LPP: variants seen among roughly 807,000 people sequenced by gnomAD.
LPP encodes LIM domain containing preferred translocation partner in lipoma, also known as lipoma-preferred partner.
Under a neutral mutation model 60.4 loss-of-function variants are expected in LPP, and 38 were observed. That is an observed-to-expected ratio of 0.63 (90% CI 0.49 to 0.83). The LOEUF is 0.83. Among genes scored for constraint, LPP ranks in the 40% least tolerant of loss-of-function variants. The pLI is 0.00. For missense variants in LPP, 902 were observed against 783.6 expected (o/e 1.15, Z -1.80); for synonymous variants, 328 against 290.8 (o/e 1.13, Z -1.30).
At chr3:188,157,799 A>AGG in intron 1 of LPP, among the ~76,000 whole-genome samples, 1 of 151,158 alleles carries the variant, frequency 6.6e-6, no homozygotes, top group South Asian at 2.1e-4. Flanking sequence ...CACTATAGAG[A>AGG]GGGGGGTGTC....
intron 8 of LPP, among the ~76,000 whole-genome samples, chr3:188,732,632 C>G (rs1259503524): frequency 2.1e-5 from 3 of 145,492 alleles, no homozygotes; most frequent in African/African-American, 7.6e-5. Context: ...ACAGGAGAAT[C>G]GCTTGAACCC....
At chr3:188,778,612 G>T (rs926999328) in intron 9 of LPP, among the ~76,000 whole-genome samples, 5 of 152,062 alleles carry the variant, frequency 3.3e-5, no homozygotes, top group African/African-American at 1.2e-4. Context: ...GCTAGTGTAC[G>T]TAGTAAATAG....
intron 8 of LPP, among the ~76,000 whole-genome samples, chr3:188,727,021 A>T (rs2149977097): frequency 6.6e-6 from 1 of 152,278 alleles, no homozygotes; most frequent in Admixed American, 6.5e-5. Context: ...CCGAGCAAGG[A>T]AGTCAGTTAT....
intron 6 of LPP, among the ~76,000 whole-genome samples, chr3:188,547,438 C>T (rs1003880972): frequency 2.0e-5 from 3 of 152,218 alleles, no homozygotes; most frequent in Non-Finnish European, 4.4e-5. Flanking sequence ...ATCACACCAA[C>T]CGTAAGTTAC....
intron 4 of LPP, among the ~76,000 whole-genome samples, chr3:188,433,998 C>T (rs372842952): frequency 1.3e-5 from 2 of 152,058 alleles, no homozygotes; most frequent in Admixed American, 6.6e-5. Flanking sequence ...ATAACTTCAT[C>T]GTGTCCCATG....
chr3:188,857,756 T>C (rs1156760213), intron 9 of LPP, among the ~76,000 whole-genome samples: 2 of 152,304 alleles, frequency 1.3e-5, no homozygotes, highest in Admixed American at 1.3e-4. Flanking sequence ...CAGAGTATCA[T>C]ATACACAATT....
intron 3 of LPP, among the ~76,000 whole-genome samples, chr3:188,392,154 G>A (rs186894314): frequency 6.6e-6 from 1 of 152,266 alleles, no homozygotes; most frequent in African/African-American, 2.4e-5. Context: ...TAACAATTAC[G>A]TTCTATTACA....
chr3:188,658,122 A>ACTAGTTTAGTTTAGTTTAGTTTAGT, intron 7 of LPP, among the ~76,000 whole-genome samples: 1 of 4,206 alleles, frequency 2.4e-4, no homozygotes, highest in Admixed American at 3.2e-3. Context: ...TTCTGAAGTT[A>ACTAGTTTAGTTTAGTTTAGTTTAGT]TTAGTTTAGT....
At chr3:188,556,409 G>A (rs1468782974) in intron 6 of LPP, among the ~76,000 whole-genome samples, 1 of 151,962 alleles carries the variant, frequency 6.6e-6, no homozygotes, top group Non-Finnish European at 1.5e-5. Flanking sequence ...TGGGAAGATT[G>A]CAAAAATTAA....
rs1045920298 is a variant in LPP at position 188,332,219 on chromosome 3, C to T, written c.-66-9444C>T. Among the ~76,000 whole-genome samples, 13 of 152,218 alleles carry T rather than the reference C, an allele frequency of 8.5e-5. No homozygotes were observed. The East Asian group carries it at 1.4e-3, about 16-fold the overall frequency. ...ATATGTTTTCTTCTATGTGAATTTT[C>T]GCAGCTGCTGCCTACATTTCTGCTC... is the stretch of plus-strand genomic sequence containing the variant. On this transcript the variant is annotated intron_variant, in intron 2 of 11. Coordinates refer to ENST00000617246, the MANE Select transcript of LPP (RefSeq NM_001375462.1).
At chr3:188,328,262 T>A (rs778733330) in intron 2 of LPP, among the ~76,000 whole-genome samples, 1 of 152,200 alleles carries the variant, frequency 6.6e-6, no homozygotes, top group Non-Finnish European at 1.5e-5. Flanking sequence ...ATTTTCACTT[T>A]GATTGAGTCT....
chr3:188,581,718 C>G (rs527449119), intron 6 of LPP, among the ~76,000 whole-genome samples: 1 of 152,254 alleles, frequency 6.6e-6, no homozygotes, highest in African/African-American at 2.4e-5. Context: ...CATTGCTTCG[C>G]TCTATTTTAC....
At chr3:188,638,353 T>C (rs1467936795) in intron 7 of LPP, among the ~76,000 whole-genome samples, 1 of 149,248 alleles carries the variant, frequency 6.7e-6, no homozygotes, top group African/African-American at 2.5e-5. Context: ...TAGGTATTGA[T>C]GGGATGTATT....
intron 1 of LPP, among the ~76,000 whole-genome samples, chr3:188,184,201 G>C (rs2148932874): frequency 6.6e-6 from 1 of 152,278 alleles, no homozygotes; most frequent in African/African-American, 2.4e-5. Flanking sequence ...TGTGGATAGG[G>C]CATTGGTGAG....
At chr3:188,383,981 A>T (rs1777540144) in intron 3 of LPP, among the ~76,000 whole-genome samples, 1 of 152,224 alleles carries the variant, frequency 6.6e-6, no homozygotes. Flanking sequence ...CTCATTCATC[A>T]GACCACATTT....
rs1213432182 is a variant in LPP at position 188,425,536 on chromosome 3, T to G, written c.193+19223T>G. On this transcript the variant is annotated intron_variant, in intron 4 of 11. Coordinates refer to ENST00000617246, the MANE Select transcript of LPP (RefSeq NM_001375462.1). ...CAGAAGGAATGGTAGCAAGCTCCTC[T>G]TTGTACCTCTCTTAGAATTTGGCTG... Among the ~76,000 whole-genome samples the G allele has an allele frequency of 2.0e-5, 3 of 152,286 alleles. No homozygotes were observed. The East Asian group carries it at 5.8e-4, about 29-fold the overall frequency.
At chr3:188,819,568 T>C (rs1753411106) in intron 9 of LPP, among the ~76,000 whole-genome samples, 1 of 152,196 alleles carries the variant, frequency 6.6e-6, no homozygotes, top group African/African-American at 2.4e-5. Context: ...GAGGAAGGAA[T>C]GTATTCTAAC....
At chr3:188,344,461 GGC>G (rs1284805691) in intron 3 of LPP, among the ~76,000 whole-genome samples, 3 of 152,134 alleles carry the variant, frequency 2.0e-5, no homozygotes, top group African/African-American at 7.2e-5. Flanking sequence ...AATGTCACCT[GGC>G]TGTGTCACCT....
In LPP at chr3:188,727,767, G is replaced by T. The variant is rs6782923; in HGVS notation, c.1240+19374G>T. Among the ~76,000 whole-genome samples, 787 of 152,160 alleles carry T rather than the reference G, an allele frequency of 5.2e-3. 10 individuals are homozygous for T. Among genetic ancestry groups the T allele is most frequent in the African/African-American group, 0.016 (675 of 41,508 alleles). On this transcript the variant is annotated intron_variant, in intron 8 of 11. Transcript: ENST00000617246. ...CACAACAGGTAAGCATTCATATCCG[G>T]ATTTTTCAGATGAGAAAATTGAGTC...
Sources: allele counts gnomAD v4.1 joint callset (sites outside exome capture counted in the v4.1 genomes callset), GRCh38; gene constraint gnomAD v4.1.1; transcripts MANE v1.5; gene names NCBI Gene and HGNC (gene_info 2026-07-23, HGNC 2026-07-21).